The following CSN2 variants were observed in gnomAD, a reference collection of about 807,000 sequenced individuals.
CSN2 encodes the protein beta-casein.
Under a neutral mutation model 27.3 loss-of-function variants are expected in CSN2, and 27 were observed. That is an observed-to-expected ratio of 0.99 (90% CI 0.73 to 1.36). The LOEUF (loss-of-function observed/expected upper bound fraction) is 1.36, where lower values mean the gene tolerates loss of function less well. CSN2 is among the 40% of genes most tolerant of loss of function. The pLI is 0.00. For missense variants in CSN2, 333 were observed against 264.5 expected, an observed-to-expected ratio of 1.26 and a Z score of -1.80; for synonymous variants, 131 against 94.8, an observed-to-expected ratio of 1.38 and a Z score of -2.22.
intron 1 of CSN2, among the ~76,000 whole-genome samples, chr4:69,962,036 G>A (rs1723610606): frequency 6.6e-6 from 1 of 152,008 alleles, no homozygotes; most frequent in African/African-American, 2.4e-5. Context: ...GGGATGAGAA[G>A]GACCTCTCCA....
At chr4:69,965,288 A>G (rs542075782) in intron 1 of CSN2, among the ~76,000 whole-genome samples, 1 of 151,276 alleles carries the variant, frequency 6.6e-6, no homozygotes, top group Non-Finnish European at 1.5e-5. Flanking sequence ...GTAATTATTT[A>G]TCTACCCATA....
At chr4:69,963,274 G>A (rs180679767) in intron 1 of CSN2, among the ~76,000 whole-genome samples, 15 of 152,248 alleles carry the variant, frequency 9.9e-5, no homozygotes, top group African/African-American at 3.6e-4. Context: ...CTGCTATAAA[G>A]ACACATACAC....
intron 1 of CSN2, among the ~76,000 whole-genome samples, chr4:69,961,865 G>A (rs1560399728): frequency 1.3e-5 from 2 of 152,198 alleles, no homozygotes; most frequent in Non-Finnish European, 2.9e-5. Context: ...TCCTTAAGCT[G>A]ATAAGCAACT....
Position 69,957,629 on chromosome 4 carries a change from G to A in CSN2, c.320C>T (p.Thr107Ile). Residue 107 changes from threonine (T) to isoleucine (I), a missense_variant, in exon 6 of 8, where the codon ACT becomes ATT. Physicochemically the swap from Thr to Ile is moderately conservative, Grantham distance 89. Transcript: ENST00000353151. ...CATCACTCTGCCCTTAGTGTAGACA[G>A]TGTCTTTAGCTTTAGGGACTTCCAT... is the stretch of plus-strand genomic sequence containing the variant. ...EIMEVPKAKD[T>I]VYTKGRVMPV... 6.2e-7 allele frequency: 1 copy of A among 1,613,978 alleles called. No homozygotes were observed.
At chr4:69,960,319 T>C (rs116153573) in intron 2 of CSN2, among the ~76,000 whole-genome samples, 1,653 of 152,064 alleles carry the variant, frequency 0.011, 21 homozygotes, top group Middle Eastern at 0.034. Flanking sequence ...ATTTGAGAAA[T>C]AAAAAATGTT....
intron 1 of CSN2, among the ~76,000 whole-genome samples, chr4:69,964,188 T>C (rs1723716460): frequency 6.6e-6 from 1 of 152,144 alleles, no homozygotes; most frequent in African/African-American, 2.4e-5. Context: ...ACTAGGCTTC[T>C]TCTCTTCTCT....
intron 1 of CSN2, among the ~76,000 whole-genome samples, chr4:69,963,817 T>C (rs566937651): frequency 6.6e-6 from 1 of 152,284 alleles, no homozygotes; most frequent in East Asian, 1.9e-4. Context: ...AATCTGTTCT[T>C]GCCAGACACT....
chr4:69,962,165 A>C (rs918517828), intron 1 of CSN2, among the ~76,000 whole-genome samples: 3 of 152,208 alleles, frequency 2.0e-5, no homozygotes, highest in Non-Finnish European at 2.9e-5. Context: ...TGCCCAAGGT[A>C]ATTTATAGAT....
At chr4:69,956,448 C>T (rs1001326320) in intron 6 of CSN2, 93 bp from the exon 7 acceptor site, 1 of 1,023,530 alleles carries the variant, frequency 9.8e-7, no homozygotes, top group African/African-American at 1.7e-5. Flanking sequence ...GCATCTCCGT[C>T]TTTTGCCTTC....
At position 69,960,996 on chromosome 4, in the gene CSN2, G is replaced by A. The variant is rs562253705; in HGVS notation, c.-1C>T. On this transcript the variant is annotated 5_prime_UTR_variant, in exon 2 of 8. Coordinates refer to ENST00000353151, the MANE Select transcript of CSN2 (RefSeq NM_001891.4). ...GGCAGGCGAGGATGAGGACCTTCATGGCTACTAAGTCCTGTGAATGTAGAA... is the reference window on the plus strand; with the variant it reads ...GGCAGGCGAGGATGAGGACCTTCATAGCTACTAAGTCCTGTGAATGTAGAA... The A allele has an allele frequency of 4.3e-6, 7 of 1,612,198 alleles. No homozygotes were observed. The Admixed American group carries it at 1.0e-4, about 23-fold the overall frequency.
At chr4:69,961,874 C>T (rs549739948) in intron 1 of CSN2, among the ~76,000 whole-genome samples, 2 of 152,232 alleles carry the variant, frequency 1.3e-5, no homozygotes, top group Non-Finnish European at 2.9e-5. Flanking sequence ...TGATAAGCAA[C>T]TTCAGCAAAG....
Position 69,957,324 on chromosome 4 carries a change from G to C in CSN2, c.625C>G (p.Gln209Glu), listed in dbSNP as rs767479201. 20 of 1,590,734 alleles carry C rather than the reference G, an allele frequency of 1.3e-5. No homozygotes were observed. In the Middle Eastern group the frequency reaches 5.1e-4, roughly 40 times the overall value. The change falls in exon 6 of 8, where the codon CAG (glutamine) becomes GAG (glutamate). Residue 209 changes from glutamine (Q) to glutamate (E), a missense_variant. Gln to Glu is a conservative substitution (Grantham distance 29). Coordinates refer to ENST00000353151, the MANE Select transcript of CSN2 (RefSeq NM_001891.4). Reference protein sequence around the residue: ...NQELLLNPTHQIYPVTQPLAP... With the variant: ...NQELLLNPTHEIYPVTQPLAP... ...AGTGGCTGAGTCACAGGGTAGATCT[G>C]GTGGGTGGGGTTAAGTAGAAGTTCT...
At chr4:69,957,977 CTG>C (rs2109742753) in intron 5 of CSN2, among the ~76,000 whole-genome samples, 173 bp from the exon 6 acceptor site, 1 of 152,202 alleles carries the variant, frequency 6.6e-6, no homozygotes, top group African/African-American at 2.4e-5. Flanking sequence ...AATGAGTAAA[CTG>C]TTTGTTGAAA....
chr4:69,963,707 G>T (rs1021919405), intron 1 of CSN2, among the ~76,000 whole-genome samples: 4 of 151,992 alleles, frequency 2.6e-5, no homozygotes, highest in African/African-American at 9.7e-5. Context: ...TGCACTTTGT[G>T]CACATGTACC....
intron 2 of CSN2, 80 bp from the exon 3 acceptor site, chr4:69,960,159 T>A: frequency 7.5e-7 from 1 of 1,341,642 alleles, no homozygotes; most frequent in Non-Finnish European, 1.1e-6. Flanking sequence ...TCATAAATTT[T>A]CTCTAAAAAA....
At chr4:69,959,919 A>G in intron 3 of CSN2, 134 bp downstream of exon 3, 1 of 675,612 alleles carries the variant, frequency 1.5e-6, no homozygotes, top group East Asian at 2.8e-5. Context: ...GTCCTTAAAC[A>G]CACATAAAAG....
chr4:69,957,038 G>GATAT (rs1400031444), intron 6 of CSN2, among the ~76,000 whole-genome samples: 1 of 152,062 alleles, frequency 6.6e-6, no homozygotes, highest in Non-Finnish European at 1.5e-5. Context: ...AGCATTAGGA[G>GATAT]ATATACCTAA....
rs771946159 is a variant in CSN2 at position 69,957,374 on chromosome 4, G to T, written c.575C>A (p.Pro192His). 2.5e-6 allele frequency: 4 copies of T among 1,613,442 alleles called. No individual in the cohort carries two copies. The highest frequency in any genetic ancestry group is 3.4e-6 in the Non-Finnish European group (4 of 1,179,862). Residue 192 changes from proline (P) to histidine (H), a missense_variant, in exon 6 of 8, where the codon CCT becomes CAT. By Grantham distance (77) the Pro-to-His change is moderately conservative. Transcript: ENST00000353151. ...TTGGTTGAGCAGAAGGGCTTGAACAGGCACAGCTCTCTGAGGGTAGGGCAC... is the reference window on the plus strand; with the variant it reads ...TTGGTTGAGCAGAAGGGCTTGAACATGCACAGCTCTCTGAGGGTAGGGCAC... The part of the protein sequence containing the change: ...QVVPYPQRAV[P>H]VQALLLNQEL...
At chr4:69,959,952 G>T in intron 3 of CSN2, 101 bp downstream of exon 3, 1 of 990,686 alleles carries the variant, frequency 1.0e-6, no homozygotes, top group South Asian at 1.4e-5. Flanking sequence ...GAACTTATAT[G>T]TCATTAACAT....
Sources: allele counts gnomAD v4.1 joint callset (sites outside exome capture counted in the v4.1 genomes callset), GRCh38; gene constraint gnomAD v4.1.1; transcripts MANE v1.5; gene names NCBI Gene and HGNC (gene_info 2026-07-23, HGNC 2026-07-21).